EPHB1: variants seen among roughly 807,000 people sequenced by gnomAD.
EPHB1 encodes EPH receptor B1.
EPHB1 carries 30 observed loss-of-function variants against 94.4 expected under a neutral mutation model. The observed-to-expected ratio is 0.32, with a 90% CI of 0.24 to 0.43. EPHB1 has a LOEUF of 0.43. EPHB1 is among the 20% of genes least tolerant of loss of function. The pLI is 1.00. For missense variants in EPHB1, 1,055 were observed against 1,308.3 expected (o/e 0.81, Z 2.99); for synonymous variants, 522 against 489.1 (o/e 1.07, Z -0.89).
In EPHB1 at chr3:134,984,826, T is replaced by C. The variant is rs36103; in HGVS notation, c.805+32774T>C. ...CCTTGAAGAGGCCTAGCGAACTGAGTGCGGGGGCTAGGGGCGAGCCAGAGA... is the reference window on the plus strand; with the variant it reads ...CCTTGAAGAGGCCTAGCGAACTGAGCGCGGGGGCTAGGGGCGAGCCAGAGA... On this transcript the variant is annotated intron_variant, in intron 3 of 15. Coordinates refer to ENST00000398015, the MANE Select transcript of EPHB1 (RefSeq NM_004441.5). Among the ~76,000 whole-genome samples, 510 of 151,686 alleles carry C rather than the reference T, an allele frequency of 3.4e-3. 3 individuals carry two copies. Among genetic ancestry groups the C allele is most frequent in the African/African-American group, 0.012 (488 of 41,348 alleles).
intron 12 of EPHB1, among the ~76,000 whole-genome samples, chr3:135,230,251 A>G (rs1321536810): frequency 6.6e-6 from 1 of 152,060 alleles, no homozygotes; most frequent in African/African-American, 2.4e-5. Context: ...CCAGCCTGTC[A>G]CCCAGAGGGC....
At chr3:134,852,098 G>A (rs904953304) in intron 1 of EPHB1, among the ~76,000 whole-genome samples, 24 of 152,122 alleles carry the variant, frequency 1.6e-4, no homozygotes, top group Admixed American at 3.9e-4. Context: ...TACCCACCTC[G>A]GGGCGTATTT....
chr3:134,836,838 G>A (rs563055242), intron 1 of EPHB1, among the ~76,000 whole-genome samples: 50 of 152,262 alleles, frequency 3.3e-4, no homozygotes, highest in African/African-American at 1.1e-3. Flanking sequence ...AGAAATAGGA[G>A]CTCCCCTGCT....
chr3:134,800,498 G>C (rs2035916204), intron 1 of EPHB1, among the ~76,000 whole-genome samples: 1 of 150,622 alleles, frequency 6.6e-6, no homozygotes, highest in Non-Finnish European at 1.5e-5. Flanking sequence ...ATATTACCTG[G>C]GCAGTTTGCT....
At chr3:134,978,472 C>T (rs1003363944) in intron 3 of EPHB1, among the ~76,000 whole-genome samples, 9 of 152,204 alleles carry the variant, frequency 5.9e-5, no homozygotes, top group African/African-American at 2.2e-4. Flanking sequence ...CTCCTGCAGC[C>T]CCACTTTAAG....
intron 3 of EPHB1, among the ~76,000 whole-genome samples, chr3:135,018,874 G>A (rs539597808): frequency 6.6e-6 from 1 of 152,272 alleles, no homozygotes; most frequent in East Asian, 1.9e-4. Flanking sequence ...CTTTGGTGAT[G>A]GTCTCATTTA....
At chr3:135,001,972 C>T (rs142156398) in intron 3 of EPHB1, among the ~76,000 whole-genome samples, 206 of 152,206 alleles carry the variant, frequency 1.4e-3, no homozygotes, top group African/African-American at 4.6e-3. Flanking sequence ...ATTTGTACAG[C>T]AACATTCACA....
chr3:135,076,101 T>A (rs1026912038), intron 3 of EPHB1, among the ~76,000 whole-genome samples: 2 of 152,084 alleles, frequency 1.3e-5, no homozygotes, highest in African/African-American at 4.8e-5. Flanking sequence ...ACAAAAACTA[T>A]AAAATTTCTA....
At chr3:134,876,253 G>A (rs2037614380) in intron 1 of EPHB1, among the ~76,000 whole-genome samples, 1 of 152,094 alleles carries the variant, frequency 6.6e-6, no homozygotes, top group Admixed American at 6.5e-5. Context: ...GGCTGATGCT[G>A]GCCTCCCCAT....
intron 3 of EPHB1, among the ~76,000 whole-genome samples, chr3:135,046,326 C>T (rs1360182047): frequency 6.6e-6 from 1 of 152,194 alleles, no homozygotes; most frequent in Non-Finnish European, 1.5e-5. Flanking sequence ...ATGTGAGCTT[C>T]TATTACTAGC....
chr3:134,900,817 A>G (rs576869704), intron 1 of EPHB1, among the ~76,000 whole-genome samples: 16 of 152,202 alleles, frequency 1.1e-4, no homozygotes, highest in Admixed American at 5.2e-4. Flanking sequence ...TGTAGTTGTG[A>G]GAGGCACATG....
At chr3:134,832,555 A>C (rs749056019) in intron 1 of EPHB1, among the ~76,000 whole-genome samples, 5 of 152,232 alleles carry the variant, frequency 3.3e-5, no homozygotes, top group Non-Finnish European at 7.3e-5. Flanking sequence ...AAACTGTACC[A>C]TTATTATGTA....
chr3:134,926,215 G>C (rs2038788439), intron 2 of EPHB1, among the ~76,000 whole-genome samples: 1 of 152,218 alleles, frequency 6.6e-6, no homozygotes, highest in Admixed American at 6.5e-5. Flanking sequence ...TGCAGCAAAG[G>C]CAAAGACATG....
intron 4 of EPHB1, among the ~76,000 whole-genome samples, chr3:135,128,942 C>T (rs61063951): frequency 0.011 from 1,713 of 152,164 alleles, 29 homozygotes; most frequent in South Asian, 0.035. Flanking sequence ...AATGATACAC[C>T]GCAGGGCATG....
chr3:134,916,479 C>T (rs1299111857), intron 1 of EPHB1, among the ~76,000 whole-genome samples: 7 of 152,214 alleles, frequency 4.6e-5, no homozygotes, highest in Non-Finnish European at 8.8e-5. Flanking sequence ...TTAGGCATGG[C>T]GGGCTGCAGG....
chr3:135,183,907 G>C (rs1164185156), intron 10 of EPHB1, among the ~76,000 whole-genome samples: 1 of 152,212 alleles, frequency 6.6e-6, no homozygotes, highest in African/African-American at 2.4e-5. Flanking sequence ...TGGGTGAAAG[G>C]ACCAAGGTTC....
At chr3:135,088,776 A>C (rs550986140) in intron 3 of EPHB1, among the ~76,000 whole-genome samples, 72 of 152,354 alleles carry the variant, frequency 4.7e-4, no homozygotes, top group African/African-American at 1.6e-3. Flanking sequence ...CTTGATGGGA[A>C]TGTCCCATAT....
intron 1 of EPHB1, among the ~76,000 whole-genome samples, chr3:134,800,160 A>G (rs1033875858): frequency 1.3e-5 from 2 of 152,076 alleles, no homozygotes; most frequent in African/African-American, 4.8e-5. Context: ...TTGCTTGGAA[A>G]AATTACCCAG....
intron 3 of EPHB1, among the ~76,000 whole-genome samples, chr3:134,963,957 T>C (rs3940695): frequency 0.33 from 49,904 of 152,112 alleles, 8,584 homozygotes; most frequent in Middle Eastern, 0.5. Context: ...CTGAAGTCAC[T>C]GTCACTGCAC....
Sources: allele counts gnomAD v4.1 joint callset (sites outside exome capture counted in the v4.1 genomes callset), GRCh38; gene constraint gnomAD v4.1.1; transcripts MANE v1.5; gene names NCBI Gene and HGNC (gene_info 2026-07-23, HGNC 2026-07-21).